The following DNAAF11 variants were observed in gnomAD, a reference collection of about 807,000 sequenced individuals.
The protein encoded by DNAAF11 is dynein axonemal assembly factor 11.
Under a neutral mutation model 60.8 loss-of-function variants are expected in DNAAF11, and 45 were observed. The ratio of observed to expected loss-of-function variants is 0.74; its 90% CI spans 0.58 to 0.95. The LOEUF is 0.95. DNAAF11 is among the 40% of genes least tolerant of loss of function. DNAAF11 has a pLI of 0.00. For missense variants in DNAAF11, 546 were observed against 546.2 expected, an observed-to-expected ratio of 1.00 and a Z score of 0.00; for synonymous variants, 191 against 183.5, an observed-to-expected ratio of 1.04 and a Z score of -0.33.
At chr8:132,576,001 G>T (rs1194787452) in intron 11 of DNAAF11, among the ~76,000 whole-genome samples, 1 of 152,194 alleles carries the variant, frequency 6.6e-6, no homozygotes, top group Non-Finnish European at 1.5e-5. Context: ...GGGAACTGGG[G>T]TACCTCGCCC....
chr8:132,673,065 C>CG (rs898720683), intron 1 of DNAAF11, among the ~76,000 whole-genome samples: 1 of 152,064 alleles, frequency 6.6e-6, no homozygotes, highest in African/African-American at 2.4e-5. Context: ...TTGGGAAGCA[C>CG]GGGGGAGAGA....
In DNAAF11 at chr8:132,672,586, A is replaced by T. The variant is rs760310843; in HGVS notation, c.10+2898T>A. On this transcript the variant is annotated intron_variant, in intron 1 of 11. Coordinates refer to ENST00000620350, the MANE Select transcript of DNAAF11 (RefSeq NM_012472.6). ...GCTGCTTAACCTCTTTGTGCTCCAG[A>T]TTCCTCATCTGCAAAATGGAGGTGA... Among the ~76,000 whole-genome samples, 3 of 152,322 alleles carry T rather than the reference A, an allele frequency of 2.0e-5. No homozygotes were observed. The South Asian group carries it at 6.2e-4, about 32-fold the overall frequency.
chr8:132,697,030 C>A, the DNAAF11 span, among the ~76,000 whole-genome samples: 1 of 152,132 alleles, frequency 6.6e-6, no homozygotes, highest in Admixed American at 6.5e-5. Context: ...TGCACATGTA[C>A]CCCTGAGCCT....
At chr8:132,637,219 A>C (rs4736598) in intron 4 of DNAAF11, among the ~76,000 whole-genome samples, 32,283 of 152,168 alleles carry the variant, frequency 0.21, 3,774 homozygotes, top group East Asian at 0.35. Context: ...GTGAAATCTC[A>C]GGCCCCATGT....
At chr8:132,677,365 T>C (rs1825798828), upstream of DNAAF11, among the ~76,000 whole-genome samples, 1 of 152,006 alleles carries the variant, frequency 6.6e-6, no homozygotes, top group African/African-American at 2.4e-5. Flanking sequence ...CAGCTTGCAG[T>C]GAACTAGGAT....
intron 5 of DNAAF11, among the ~76,000 whole-genome samples, chr8:132,631,417 A>G (rs1820780869): frequency 6.6e-6 from 1 of 152,244 alleles, no homozygotes; most frequent in Admixed American, 6.5e-5. Flanking sequence ...ATCCAACAGG[A>G]TATTATTCTA....
At chr8:132,616,737 C>T (rs1025820303) in intron 7 of DNAAF11, among the ~76,000 whole-genome samples, 5 of 152,274 alleles carry the variant, frequency 3.3e-5, no homozygotes, top group East Asian at 1.9e-4. Context: ...ATTTTCAGTG[C>T]CACAAAGTGA....
intron 10 of DNAAF11, among the ~76,000 whole-genome samples, chr8:132,601,714 T>C (rs1315943395): frequency 3.3e-5 from 5 of 151,984 alleles, no homozygotes; most frequent in African/African-American, 7.3e-5. Context: ...TAGGTGGGAA[T>C]TGAACAATGA....
At chr8:132,684,756 G>T in the DNAAF11 span, among the ~76,000 whole-genome samples, 1 of 152,234 alleles carries the variant, frequency 6.6e-6, no homozygotes, top group African/African-American at 2.4e-5. Context: ...CATAATTCAT[G>T]TGAGCTCCCC....
At chr8:132,614,895 T>G in intron 8 of DNAAF11, 143 bp downstream of exon 8, 1 of 502,782 alleles carries the variant, frequency 2.0e-6, no homozygotes, top group Non-Finnish European at 3.5e-6. Flanking sequence ...AAAATTATAG[T>G]AACTTCTCTG....
At chr8:132,676,121 C>A (rs1169961439), upstream of DNAAF11, among the ~76,000 whole-genome samples, 1 of 152,224 alleles carries the variant, frequency 6.6e-6, no homozygotes, top group Non-Finnish European at 1.5e-5. Context: ...CACTCTCCAA[C>A]ACTCGTTTCC....
the DNAAF11 span, among the ~76,000 whole-genome samples, chr8:132,700,280 C>T: frequency 6.6e-6 from 1 of 152,044 alleles, no homozygotes; most frequent in East Asian, 1.9e-4. Context: ...CCCAGTCAAC[C>T]AGGTTTTGGG....
intron 7 of DNAAF11, among the ~76,000 whole-genome samples, chr8:132,616,741 A>C (rs577811986): frequency 6.6e-6 from 1 of 152,216 alleles, no homozygotes; most frequent in Non-Finnish European, 1.5e-5. Flanking sequence ...TCAGTGCCAC[A>C]AAGTGAAACC....
chr8:132,690,544 C>T, the DNAAF11 span, among the ~76,000 whole-genome samples: 1 of 152,064 alleles, frequency 6.6e-6, no homozygotes, highest in East Asian at 1.9e-4. Flanking sequence ...ATACAATTAG[C>T]ATACTATATT....
At chr8:132,601,250 T>A (rs539673250) in intron 10 of DNAAF11, among the ~76,000 whole-genome samples, 231 of 152,180 alleles carry the variant, frequency 1.5e-3, no homozygotes, top group African/African-American at 5.3e-3. Flanking sequence ...TTAGAATGGC[T>A]ATCATTAAAA....
rs573936139 is a variant in DNAAF11 at position 132,652,424 on chromosome 8, T to A, written c.256+4406A>T. On this transcript the variant is annotated intron_variant, in intron 3 of 11. Transcript: ENST00000620350. ...AAACAGAAACCTCAGATGAAGAAGA[T>A]AATTCAGGGGATGAAAAAAATTGAC... Among the ~76,000 whole-genome samples the A allele has an allele frequency of 9.9e-5, 15 of 152,146 alleles. No homozygotes were observed. In the East Asian group the frequency reaches 2.1e-3, roughly 22 times the overall value.
intron 3 of DNAAF11, chr8:132,643,739 T>G (rs1333401603): frequency 2.2e-5 from 10 of 455,872 alleles, no homozygotes; most frequent in African/African-American, 1.4e-4. Flanking sequence ...AGTGCAATAC[T>G]TGGAGACAAG....
At chr8:132,648,236 T>G (rs1822607308) in intron 3 of DNAAF11, among the ~76,000 whole-genome samples, 1 of 152,092 alleles carries the variant, frequency 6.6e-6, no homozygotes, top group Non-Finnish European at 1.5e-5. Flanking sequence ...ATCCAGCATA[T>G]AAACACAACC....
intron 10 of DNAAF11, among the ~76,000 whole-genome samples, 180 bp downstream of exon 10, chr8:132,609,986 T>C (rs1818490940): frequency 6.6e-6 from 1 of 152,254 alleles, no homozygotes; most frequent in African/African-American, 2.4e-5. Context: ...CCAAACACAT[T>C]CCAGTCTGAG....
Sources: gnomAD v4.1 joint callset for allele counts (sites outside exome capture counted in the v4.1 genomes callset) on GRCh38, gnomAD v4.1.1 for gene constraint, MANE v1.5 for transcripts, NCBI Gene and HGNC (gene_info 2026-07-23, HGNC 2026-07-21) for gene names.